HIPK3: variants seen among roughly 807,000 people sequenced by gnomAD.
The protein encoded by HIPK3 is homeodomain interacting protein kinase 3.
HIPK3 carries 47 observed loss-of-function variants against 124.2 expected under a neutral mutation model. That is an observed-to-expected ratio of 0.38 (90% CI 0.30 to 0.48). The LOEUF is 0.48. HIPK3 is among the 20% of genes least tolerant of loss of function. HIPK3 has a pLI of 0.98. For synonymous variants in HIPK3, 482 were observed against 515.2 expected (o/e 0.94, Z 0.87); for missense variants, 1,286 against 1,454.3 (o/e 0.88, Z 1.88).
intron 1 of HIPK3, among the ~76,000 whole-genome samples, chr11:33,284,670 C>G (rs1228939136): frequency 5.9e-5 from 9 of 152,092 alleles, no homozygotes; most frequent in Admixed American, 5.9e-4. Flanking sequence ...GGTAGATGTG[C>G]AGAAAAACAT....
Position 33,257,675 on chromosome 11 carries a change from C to G in HIPK3, c.-217C>G. On this transcript the variant is annotated 5_prime_UTR_variant, in exon 1 of 17. Transcript: ENST00000303296. Reference sequence around the variant, plus strand: ...CGGCGCTTAGCAGCCAGAGCAGCAGCAGCAGCAGCAGCGGTCGGGGGAGGG... The same window carrying G: ...CGGCGCTTAGCAGCCAGAGCAGCAGGAGCAGCAGCAGCGGTCGGGGGAGGG... 1 of 994,322 alleles carries G rather than the reference C, an allele frequency of 1.0e-6. No individual in the cohort carries two copies. The highest frequency in any genetic ancestry group is 1.2e-6 in the Non-Finnish European group (1 of 836,560). The allele number at this position is 994,322 out of a possible 1,614,324, so 61.6% of individuals were successfully genotyped here.
chr11:33,310,020 G>C (rs188814686), intron 2 of HIPK3, among the ~76,000 whole-genome samples: 15 of 152,206 alleles, frequency 9.9e-5, no homozygotes, highest in Admixed American at 9.8e-4. Context: ...TTATTTTAAA[G>C]TCCCTGTTTT....
At chr11:33,309,781 G>GT (rs1257700554) in intron 2 of HIPK3, among the ~76,000 whole-genome samples, 1 of 152,170 alleles carries the variant, frequency 6.6e-6, no homozygotes, top group Non-Finnish European at 1.5e-5. Flanking sequence ...ATAGATACCA[G>GT]TACACTGTAC....
intron 2 of HIPK3, among the ~76,000 whole-genome samples, chr11:33,315,097 A>G (rs1422861012): frequency 6.6e-6 from 1 of 152,244 alleles, no homozygotes; most frequent in Admixed American, 6.5e-5. Flanking sequence ...TAAAGAACAG[A>G]TACATGCTAC....
At chr11:33,326,594 G>A (rs1852818180) in intron 2 of HIPK3, among the ~76,000 whole-genome samples, 11 of 152,082 alleles carry the variant, frequency 7.2e-5, no homozygotes, top group Admixed American at 7.2e-4. Flanking sequence ...TGCTGTGTCA[G>A]AAAGCAAAGA....
Position 33,257,407 on chromosome 11 carries a change from C to T in HIPK3, c.-485C>T. ...GTGGCAGCTGCCTCAGTGACGACTG[C>T]CGGCATCGCGGCGACCTGAGGAGAT... is the stretch of plus-strand genomic sequence containing the variant. On this transcript the variant is annotated 5_prime_UTR_variant, in exon 1 of 17. Coordinates refer to ENST00000303296, the MANE Select transcript of HIPK3 (RefSeq NM_005734.5). 2 of 985,196 alleles carry T rather than the reference C, an allele frequency of 2.0e-6. No homozygotes were observed. Among genetic ancestry groups the T allele is most frequent in the Non-Finnish European group, 2.4e-6 (2 of 829,816 alleles). 61.0% of individuals were successfully genotyped at this position (985,196 alleles called of 1,614,324 possible). A position where few individuals can be genotyped will look rare whatever the true frequency, so the allele number is the denominator to read the frequency against.
chr11:33,283,935 A>G (rs887720420), intron 1 of HIPK3, among the ~76,000 whole-genome samples: 3 of 152,120 alleles, frequency 2.0e-5, no homozygotes, highest in Non-Finnish European at 2.9e-5. Flanking sequence ...TCGGCCTCCC[A>G]AAGTGCTGGG....
In HIPK3 at chr11:33,341,568, G is replaced by C. The variant is rs745327494; in HGVS notation, c.1779G>C (p.Leu593Phe). ...TAATGTGCTCGTTGTTTCAGGCATT[G>C]ACCACATCTGCTCATTCAGTTGTGC... ...TKIGTLRSQA[L>F]TTSAHSVVHH... The change falls in exon 8 of 17, where the codon TTG becomes TTC. Residue 593 changes from leucine to phenylalanine, a missense_variant. Transcript: ENST00000303296. The C allele has an allele frequency of 6.2e-7, 1 of 1,609,388 alleles. No individual in the cohort carries two copies. Among genetic ancestry groups the C allele is most frequent in the Non-Finnish European group, 8.5e-7 (1 of 1,178,116 alleles).
At chr11:33,296,919 G>C (rs1851856904) in intron 2 of HIPK3, among the ~76,000 whole-genome samples, 1 of 152,164 alleles carries the variant, frequency 6.6e-6, no homozygotes, top group Admixed American at 6.5e-5. Flanking sequence ...AAATGATTAA[G>C]TTTAGCGAGG....
chr11:33,344,233 A>T (rs536142625), intron 8 of HIPK3, among the ~76,000 whole-genome samples: 8 of 152,224 alleles, frequency 5.3e-5, no homozygotes, highest in East Asian at 1.9e-4. Context: ...CTGTTTAAAA[A>T]TTTTTTTTAA....
At chr11:33,266,625 T>C (rs1319467266) in intron 1 of HIPK3, among the ~76,000 whole-genome samples, 2 of 152,292 alleles carry the variant, frequency 1.3e-5, no homozygotes, top group South Asian at 2.1e-4. Flanking sequence ...GAGGATTGCC[T>C]GAGCCCAGGG....
chr11:33,295,531 G>A (rs1456867003), intron 2 of HIPK3, among the ~76,000 whole-genome samples: 1 of 152,254 alleles, frequency 6.6e-6, no homozygotes, highest in African/African-American at 2.4e-5. Flanking sequence ...GCCTGTGGTC[G>A]GAGTCAGCGC....
chr11:33,260,536 A>AT (rs1850794049), intron 1 of HIPK3, among the ~76,000 whole-genome samples: 1 of 152,318 alleles, frequency 6.6e-6, no homozygotes, highest in African/African-American at 2.4e-5. Flanking sequence ...AGTTAACTTT[A>AT]TTTTACCAGG....
intron 2 of HIPK3, among the ~76,000 whole-genome samples, chr11:33,311,297 C>T (rs1316350324): frequency 6.6e-6 from 1 of 152,168 alleles, no homozygotes; most frequent in Non-Finnish European, 1.5e-5. Context: ...GTGATCCTCG[C>T]ACCTCAGCCT....
At chr11:33,345,953 G>T (rs187661400) in intron 8 of HIPK3, among the ~76,000 whole-genome samples, 3 of 152,096 alleles carry the variant, frequency 2.0e-5, no homozygotes, top group Non-Finnish European at 4.4e-5. Context: ...TTTCTCTTAT[G>T]CCTGAAGAGA....
chr11:33,336,447 C>T (rs1853150840), intron 3 of HIPK3, among the ~76,000 whole-genome samples: 1 of 152,128 alleles, frequency 6.6e-6, no homozygotes, highest in Non-Finnish European at 1.5e-5. Context: ...GAATCCATTC[C>T]TTCCTCTCTA....
chr11:33,341,822 A>C (rs1853343926), intron 8 of HIPK3, 136 bp downstream of exon 8: 2 of 763,152 alleles, frequency 2.6e-6, no homozygotes, highest in African/African-American at 3.6e-5. Flanking sequence ...TGTTCAGGCC[A>C]AGTGTGGTGT....
At chr11:33,282,366 C>A (rs561202253) in intron 1 of HIPK3, among the ~76,000 whole-genome samples, 3 of 150,314 alleles carry the variant, frequency 2.0e-5, no homozygotes, top group East Asian at 4.0e-4. Context: ...GTCTGGGCAA[C>A]AAAGACTGTC....
At chr11:33,352,011 C>G (rs1430133204) in intron 15 of HIPK3, 127 bp from the exon 16 acceptor site, 5 of 1,074,572 alleles carry the variant, frequency 4.7e-6, no homozygotes, top group Non-Finnish European at 4.1e-6. Context: ...AAACCATGAC[C>G]TCTCCTTTGA....
Sources: allele counts gnomAD v4.1 joint callset (sites outside exome capture counted in the v4.1 genomes callset), GRCh38; gene constraint gnomAD v4.1.1; transcripts MANE v1.5; gene names NCBI Gene and HGNC (gene_info 2026-07-23, HGNC 2026-07-21).